Variants in CERS3 observed in about 807,000 individuals in gnomAD.
CERS3 encodes the protein ceramide synthase 3.
A neutral mutation model predicts 50.3 loss-of-function variants in CERS3; 33 were observed. The ratio of observed to expected loss-of-function variants is 0.66; its 90% confidence interval spans 0.50 to 0.88. CERS3 has a LOEUF of 0.88. Among genes scored for constraint, CERS3 ranks in the 40% least tolerant of loss-of-function variants. The pLI is 0.00. For synonymous variants in CERS3, 176 were observed against 155.2 expected, an observed-to-expected ratio of 1.13 and a Z score of -0.99; for missense variants, 470 against 460.3, an observed-to-expected ratio of 1.02 and a Z score of -0.19.
intron 11 of CERS3, among the ~76,000 whole-genome samples, chr15:100,407,319 A>C (rs1459650808): frequency 6.6e-6 from 1 of 152,220 alleles, no homozygotes; most frequent in African/African-American, 2.4e-5. Context: ...GTTTGCCTTT[A>C]ACAAGAGATC....
intron 11 of CERS3, among the ~76,000 whole-genome samples, chr15:100,409,574 C>G (rs74038765): frequency 0.05 from 7,560 of 152,182 alleles, 357 homozygotes; most frequent in African/African-American, 0.12. Flanking sequence ...GGGAACAAGG[C>G]ATCTACGTAC....
intron 2 of CERS3, among the ~76,000 whole-genome samples, chr15:100,505,497 C>T (rs1219647936): frequency 6.6e-6 from 1 of 152,196 alleles, no homozygotes; most frequent in Non-Finnish European, 1.5e-5. Flanking sequence ...CTGAGAAAGA[C>T]AATAAATCTA....
At chr15:100,447,608 T>C (rs1437131942) in intron 11 of CERS3, among the ~76,000 whole-genome samples, 1 of 152,246 alleles carries the variant, frequency 6.6e-6, no homozygotes, top group African/African-American at 2.4e-5. Flanking sequence ...AGGTTATGAT[T>C]TTAAGACAAA....
At chr15:100,498,386 G>C (rs936626405) in intron 3 of CERS3, among the ~76,000 whole-genome samples, 1 of 152,070 alleles carries the variant, frequency 6.6e-6, no homozygotes, top group South Asian at 2.1e-4. Flanking sequence ...TTGATAAATT[G>C]AACTGAAGAG....
rs376689326 is a variant in CERS3, at chr15:100,440,648, A to C, written c.999+15245T>G. On this transcript the variant is annotated intron_variant, in intron 11 of 11. Transcript: ENST00000679737. ...CTGGAGGGGGGGAACCTCCCTTGGGAGATCAATCCCCTGTCCTCCTGCTCT... is the reference window on the plus strand; with the variant it reads ...CTGGAGGGGGGGAACCTCCCTTGGGCGATCAATCCCCTGTCCTCCTGCTCT... Among the ~76,000 whole-genome samples, 64 of 152,284 alleles carry C rather than the reference A, an allele frequency of 4.2e-4. No individual in the cohort carries two copies. The East Asian group carries it at 0.01, about 24-fold the overall frequency.
intron 11 of CERS3, among the ~76,000 whole-genome samples, chr15:100,428,282 C>G (rs2032939573): frequency 6.6e-6 from 1 of 152,318 alleles, no homozygotes; most frequent in East Asian, 1.9e-4. Flanking sequence ...TTTTGGAGAG[C>G]TTGGTTTCTC....
At chr15:100,452,108 C>T (rs2034194266) in intron 11 of CERS3, among the ~76,000 whole-genome samples, 1 of 150,502 alleles carries the variant, frequency 6.6e-6, no homozygotes, top group East Asian at 1.9e-4. Context: ...ATTTAAACTG[C>T]ACTTTATGCC....
At chr15:100,454,105 T>C (rs1363586092) in intron 11 of CERS3, among the ~76,000 whole-genome samples, 1 of 152,146 alleles carries the variant, frequency 6.6e-6, no homozygotes, top group East Asian at 1.9e-4. Context: ...AAGATAGCAA[T>C]GTTGGCCAGG....
At chr15:100,467,367 T>C (rs1274308343) in intron 10 of CERS3, among the ~76,000 whole-genome samples, 2 of 152,126 alleles carry the variant, frequency 1.3e-5, no homozygotes, top group East Asian at 3.9e-4. Context: ...GGCCTGTGGG[T>C]AAAATCCGGC....
chr15:100,482,274 A>T (rs2035327357), intron 5 of CERS3, among the ~76,000 whole-genome samples: 1 of 152,200 alleles, frequency 6.6e-6, no homozygotes, highest in South Asian at 2.1e-4. Flanking sequence ...CCCACTGAAA[A>T]GCCATTCAGA....
chr15:100,496,256 T>C (rs2035811226), intron 3 of CERS3, among the ~76,000 whole-genome samples: 1 of 152,196 alleles, frequency 6.6e-6, no homozygotes, highest in African/African-American at 2.4e-5. Context: ...ACTTCATTCA[T>C]AACAGCCTAA....
chr15:100,512,573 C>T (rs192972695), intron 2 of CERS3, among the ~76,000 whole-genome samples: 2 of 152,282 alleles, frequency 1.3e-5, no homozygotes, highest in African/African-American at 4.8e-5. Flanking sequence ...CTGTGGGGAG[C>T]CTCTTCCTTG....
At chr15:100,515,241 T>G (rs781123451) in intron 2 of CERS3, among the ~76,000 whole-genome samples, 2 of 152,350 alleles carry the variant, frequency 1.3e-5, no homozygotes, top group Non-Finnish European at 2.9e-5. Context: ...TCACAGCCAT[T>G]TTACTCACAC....
intron 3 of CERS3, among the ~76,000 whole-genome samples, chr15:100,497,306 A>ATGTGTGTG (rs139734142): frequency 0.015 from 2,177 of 145,926 alleles, 18 homozygotes; most frequent in African/African-American, 0.019. Context: ...GCATATATGT[A>ATGTGTGTG]TGTGTGTGTG....
intron 11 of CERS3, among the ~76,000 whole-genome samples, chr15:100,410,105 G>T (rs760429436): frequency 6.6e-6 from 1 of 151,904 alleles, no homozygotes; most frequent in Non-Finnish European, 1.5e-5. Context: ...GGGTGGTCTA[G>T]AATGTTATTA....
At chr15:100,518,225 G>C (rs1482196599) in intron 2 of CERS3, among the ~76,000 whole-genome samples, 1 of 151,792 alleles carries the variant, frequency 6.6e-6, no homozygotes, top group Non-Finnish European at 1.5e-5. Flanking sequence ...CAGAGACAGA[G>C]AGATAGACAA....
chr15:100,481,059 TTTC>T (rs1480364921), intron 5 of CERS3, among the ~76,000 whole-genome samples: 19 of 152,238 alleles, frequency 1.2e-4, no homozygotes, highest in African/African-American at 4.3e-4. Flanking sequence ...AATAAGATGT[TTTC>T]TTATCTTTGT....
chr15:100,468,826 C>T (rs374691061), intron 10 of CERS3, among the ~76,000 whole-genome samples: 7 of 152,198 alleles, frequency 4.6e-5, no homozygotes, highest in African/African-American at 1.4e-4. Flanking sequence ...CCAATCATAT[C>T]GAAAGGATAC....
chr15:100,497,337 T>TGTGC (rs71151956), intron 3 of CERS3, among the ~76,000 whole-genome samples: 3 of 150,480 alleles, frequency 2.0e-5, no homozygotes, highest in African/African-American at 4.9e-5. Context: ...TGTGTGTGTG[T>TGTGC]ATGTATATAT....
Sources: allele counts gnomAD v4.1 joint callset (sites outside exome capture counted in the v4.1 genomes callset), GRCh38; gene constraint gnomAD v4.1.1; transcripts MANE v1.5; gene names NCBI Gene and HGNC (gene_info 2026-07-23, HGNC 2026-07-21).